ANO10: variants seen among roughly 807,000 people sequenced by gnomAD.
ANO10 encodes anoctamin-10.
In ANO10, 77 loss-of-function variants were observed where a neutral mutation model predicts 74.7. The ratio of observed to expected loss-of-function variants is 1.03; its 90% CI spans 0.86 to 1.25. The LOEUF is 1.25. ANO10 is among the 50% of genes most tolerant of loss of function. The probability of loss-of-function intolerance (pLI) is 0.00; values close to 1 mark genes in which losing one functional copy is unlikely to be tolerated. For synonymous variants in ANO10, 279 were observed against 284.9 expected, an observed-to-expected ratio of 0.98 and a Z score of 0.21; for missense variants, 721 against 778.1, an observed-to-expected ratio of 0.93 and a Z score of 0.87.
intron 11 of ANO10, among the ~76,000 whole-genome samples, chr3:43,528,425 A>G (rs982039235): frequency 6.6e-6 from 1 of 152,152 alleles, no homozygotes. Context: ...ACTTCAGATA[A>G]GAAGTACAAA....
At chr3:43,540,855 G>T (rs1430431623) in intron 11 of ANO10, among the ~76,000 whole-genome samples, 1 of 152,194 alleles carries the variant, frequency 6.6e-6, no homozygotes, top group South Asian at 2.1e-4. Flanking sequence ...CCTGAAGCCA[G>T]GGATGTATCA....
chr3:43,452,658 G>A (rs2074929604), intron 11 of ANO10, among the ~76,000 whole-genome samples: 2 of 152,166 alleles, frequency 1.3e-5, no homozygotes, highest in Non-Finnish European at 2.9e-5. Context: ...AAGTTTTTGT[G>A]CAGACATGTG....
chr3:43,493,451 T>C (rs2076803939), intron 11 of ANO10, among the ~76,000 whole-genome samples: 1 of 152,184 alleles, frequency 6.6e-6, no homozygotes, highest in South Asian at 2.1e-4. Flanking sequence ...CAGTTGATAA[T>C]GCCTGTTCTT....
At chr3:43,429,292 C>A (rs139099314) in intron 12 of ANO10, among the ~76,000 whole-genome samples, 1 of 152,020 alleles carries the variant, frequency 6.6e-6, no homozygotes, top group African/African-American at 2.4e-5. Context: ...CAAGAAGAAT[C>A]CTTTCCTTTT....
chr3:43,377,781 G>A (rs1215871846), intron 12 of ANO10, among the ~76,000 whole-genome samples: 4 of 152,208 alleles, frequency 2.6e-5, no homozygotes, highest in African/African-American at 7.2e-5. Context: ...CCATGGCTAG[G>A]TGACATTTAC....
intron 1 of ANO10, among the ~76,000 whole-genome samples, chr3:43,687,569 A>C (rs1559403398): frequency 6.6e-6 from 1 of 152,218 alleles, no homozygotes; most frequent in Non-Finnish European, 1.5e-5. Context: ...CCTGGGGCAG[A>C]ACATGCAGAG....
At chr3:43,691,174 G>A (rs1441697092) in intron 1 of ANO10, 5 of 872,166 alleles carry the variant, frequency 5.7e-6, no homozygotes, top group East Asian at 3.4e-5. Flanking sequence ...GACCCTCCCC[G>A]GCATGAGTCC....
At chr3:43,382,436 G>A (rs368453228) in intron 12 of ANO10, among the ~76,000 whole-genome samples, 3 of 151,092 alleles carry the variant, frequency 2.0e-5, no homozygotes, top group Non-Finnish European at 3.0e-5. Context: ...GGAGAATGGC[G>A]TGAACCCGGG....
intron 12 of ANO10, among the ~76,000 whole-genome samples, chr3:43,395,789 C>T (rs1379443541): frequency 6.7e-6 from 1 of 149,836 alleles, no homozygotes; most frequent in Admixed American, 6.7e-5. Flanking sequence ...AAAAAGCCTA[C>T]TTAGATTCTT....
chr3:43,690,686 T>G, intron 1 of ANO10: 1 of 368,142 alleles, frequency 2.7e-6, no homozygotes, highest in East Asian at 4.1e-5. Context: ...TTATTCAAAT[T>G]AGCTAAAACA....
intron 11 of ANO10, among the ~76,000 whole-genome samples, chr3:43,470,917 G>A (rs780688687): frequency 1.3e-5 from 2 of 151,956 alleles, no homozygotes; most frequent in Non-Finnish European, 2.9e-5. Flanking sequence ...GTGCACCACC[G>A]CTCTTGGCCA....
intron 11 of ANO10, among the ~76,000 whole-genome samples, chr3:43,536,684 T>C (rs79082684): frequency 0.03 from 4,525 of 152,190 alleles, 101 homozygotes; most frequent in South Asian, 0.12. Context: ...AATTCAATTA[T>C]AAAATCTTAT....
At chr3:43,483,813 G>A (rs2076362665) in intron 11 of ANO10, among the ~76,000 whole-genome samples, 1 of 152,158 alleles carries the variant, frequency 6.6e-6, no homozygotes, top group South Asian at 2.1e-4. Context: ...CTTGAAACAG[G>A]GGCTTACAGG....
chr3:43,603,974 T>C (rs945583376), intron 2 of ANO10, among the ~76,000 whole-genome samples: 1 of 152,202 alleles, frequency 6.6e-6, no homozygotes, highest in African/African-American at 2.4e-5. Context: ...TGCCTTCAAC[T>C]GTGCATAGAT....
intron 11 of ANO10, among the ~76,000 whole-genome samples, chr3:43,459,277 T>C (rs2075277225): frequency 6.6e-6 from 1 of 152,146 alleles, no homozygotes; most frequent in Non-Finnish European, 1.5e-5. Context: ...TCGGTGTTGT[T>C]GAAGGAAAAG....
chr3:43,451,276 G>GC lies in ANO10; in HGVS notation c.1798-18550dup, dbSNP rs1366941812. On this transcript the variant is annotated intron_variant, in intron 11 of 12. Transcript: ENST00000292246. ...AGAAGACACACCTGAGCTGAAGAGA[G>GC]CCACCTTGACCACACTCGCCTCTGT... 2.0e-5 allele frequency among the ~76,000 whole-genome samples: 3 copies of GC among 152,174 alleles called. No individual in the cohort carries two copies. The South Asian group carries it at 6.2e-4, about 32-fold the overall frequency.
chr3:43,398,588 A>T (rs1269766317), intron 12 of ANO10, among the ~76,000 whole-genome samples: 1 of 152,222 alleles, frequency 6.6e-6, no homozygotes, highest in African/African-American at 2.4e-5. Flanking sequence ...GCAAATATTG[A>T]CTTGGCACAC....
At chr3:43,544,796 T>TAAAAAAAAAA (rs556665373) in intron 11 of ANO10, among the ~76,000 whole-genome samples, 4 of 110,938 alleles carry the variant, frequency 3.6e-5, no homozygotes, top group South Asian at 2.9e-4. Context: ...CTGTCTGAAA[T>TAAAAAAAAAA]AAAAAAAAAA....
intron 12 of ANO10, among the ~76,000 whole-genome samples, chr3:43,404,042 T>TGAA: frequency 6.6e-6 from 1 of 152,036 alleles, no homozygotes; most frequent in East Asian, 1.9e-4. Context: ...ATGACAAGGG[T>TGAA]GAAGAGATGT....
Sources: gnomAD v4.1 joint callset for allele counts (sites outside exome capture counted in the v4.1 genomes callset) on GRCh38, gnomAD v4.1.1 for gene constraint, MANE v1.5 for transcripts, NCBI Gene and HGNC (gene_info 2026-07-23, HGNC 2026-07-21) for gene names.